Variants in NPAS3 observed in about 807,000 individuals in gnomAD.
NPAS3 encodes the protein neuronal PAS domain protein 3.
In NPAS3, 14 loss-of-function variants were observed where a neutral mutation model predicts 73.1. The observed-to-expected ratio is 0.19, with a 90% confidence interval of 0.13 to 0.30. NPAS3 has a LOEUF of 0.30. NPAS3 is among the 10% of genes least tolerant of loss of function. The probability of loss-of-function intolerance (pLI) is 1.00; values close to 1 mark genes in which losing one functional copy is unlikely to be tolerated. For synonymous variants in NPAS3, 620 were observed against 541.5 expected, an observed-to-expected ratio of 1.14 and a Z score of -2.01; for missense variants, 1,096 against 1,250.0, an observed-to-expected ratio of 0.88 and a Z score of 1.86.
At chr14:33,340,603 T>G (rs2044431427) in intron 3 of NPAS3, among the ~76,000 whole-genome samples, 1 of 152,242 alleles carries the variant, frequency 6.6e-6, no homozygotes, top group Non-Finnish European at 1.5e-5. Context: ...GGTTAAATGA[T>G]AAAACATGAA....
At chr14:33,316,232 G>T (rs182443066) in intron 3 of NPAS3, among the ~76,000 whole-genome samples, 2 of 152,066 alleles carry the variant, frequency 1.3e-5, no homozygotes, top group Admixed American at 1.3e-4. Flanking sequence ...TTCAAAGTTT[G>T]CATAACAGGT....
chr14:33,800,893 C>T lies in NPAS3; in HGVS notation c.2586C>T (p.Gly862=). 6.2e-7 allele frequency: 1 copy of T among 1,607,444 alleles called. No individual in the cohort carries two copies. The highest frequency in any genetic ancestry group is 8.5e-7 in the Non-Finnish European group (1 of 1,177,492). Reference sequence around the variant, plus strand: ...TGGACGTTAACAGCCCCGGCTTTGGCCTCGACCCCAAGACGCCCATGGAGA... The same window carrying T: ...TGGACGTTAACAGCCCCGGCTTTGGTCTCGACCCCAAGACGCCCATGGAGA... Residue 862 remains glycine (G), a synonymous_variant, in exon 12 of 12, where the codon GGC becomes GGT. Transcript: ENST00000356141. The surrounding 1 kb of genome is among the most constrained non-coding windows in gnomAD (Gnocchi z 6.5).
At chr14:32,976,958 T>A (rs2037703032) in intron 1 of NPAS3, among the ~76,000 whole-genome samples, 1 of 151,664 alleles carries the variant, frequency 6.6e-6, no homozygotes, top group Non-Finnish European at 1.5e-5. Flanking sequence ...TTCTAGAGAG[T>A]TTACTCATTC....
intron 5 of NPAS3, among the ~76,000 whole-genome samples, chr14:33,635,490 T>C (rs1010075084): frequency 6.6e-6 from 1 of 152,192 alleles, no homozygotes; most frequent in African/African-American, 2.4e-5. Flanking sequence ...GGTTTGTTTA[T>C]GGATTGAAAG....
chr14:33,235,851 A>C (rs1416141474), intron 3 of NPAS3, among the ~76,000 whole-genome samples: 1 of 111,630 alleles, frequency 9.0e-6, no homozygotes, highest in Admixed American at 1.4e-4. Flanking sequence ...TTGCTCTGTC[A>C]CATCATAGTT....
At chr14:33,154,911 A>C (rs1234351599) in intron 2 of NPAS3, among the ~76,000 whole-genome samples, 2 of 152,206 alleles carry the variant, frequency 1.3e-5, no homozygotes, top group Admixed American at 6.5e-5. Flanking sequence ...TTACTTTTCC[A>C]TGCAGTTGAT....
rs183155710 is a variant in NPAS3, at chr14:33,272,963, A to G, written c.385+57537A>G. On this transcript the variant is annotated intron_variant, in intron 3 of 11. Transcript: ENST00000356141. Reference sequence around the variant, plus strand: ...ATTCCTCCCCTTACTTTGGCCCAGCATTTCCAATTTACTTCCCACTTTCTC... The same window carrying G: ...ATTCCTCCCCTTACTTTGGCCCAGCGTTTCCAATTTACTTCCCACTTTCTC... 4.5e-4 allele frequency among the ~76,000 whole-genome samples: 69 copies of G among 152,300 alleles called. 1 individual carries two copies. The South Asian group carries it at 5.8e-3, about 13-fold the overall frequency.
intron 2 of NPAS3, among the ~76,000 whole-genome samples, chr14:33,074,097 A>G (rs1032899561): frequency 1.3e-5 from 2 of 152,168 alleles, no homozygotes; most frequent in Non-Finnish European, 2.9e-5. Context: ...TTCAATCAGG[A>G]AATACTTTTT....
chr14:33,511,018 GT>G (rs1393525176), intron 4 of NPAS3, among the ~76,000 whole-genome samples: 2 of 152,074 alleles, frequency 1.3e-5, no homozygotes, highest in Non-Finnish European at 2.9e-5. Flanking sequence ...TGCTTGTGTT[GT>G]TTTAAGCTGG....
At chr14:33,592,805 G>A (rs533580907) in intron 5 of NPAS3, among the ~76,000 whole-genome samples, 2 of 152,158 alleles carry the variant, frequency 1.3e-5, no homozygotes, top group South Asian at 2.1e-4. Flanking sequence ...CTAATTGGAC[G>A]AAACTGGCCA....
At chr14:33,398,382 A>G (rs1428336567) in intron 4 of NPAS3, among the ~76,000 whole-genome samples, 3 of 147,654 alleles carry the variant, frequency 2.0e-5, no homozygotes, top group East Asian at 2.0e-4. Context: ...TAATTATCCA[A>G]AATTGAACCT....
At chr14:33,618,312 A>G (rs1412591660) in intron 5 of NPAS3, among the ~76,000 whole-genome samples, 1 of 152,128 alleles carries the variant, frequency 6.6e-6, no homozygotes, top group Non-Finnish European at 1.5e-5. Flanking sequence ...ATAATTAAAT[A>G]ACTATACAAC....
At chr14:33,392,959 G>A (rs2047071261) in intron 4 of NPAS3, among the ~76,000 whole-genome samples, 2 of 152,088 alleles carry the variant, frequency 1.3e-5, no homozygotes, top group African/African-American at 2.4e-5. Flanking sequence ...AGGAAATAAT[G>A]TTTGCTGGGG....
intron 4 of NPAS3, among the ~76,000 whole-genome samples, chr14:33,437,571 G>A (rs1347399808): frequency 1.4e-5 from 2 of 146,012 alleles, no homozygotes; most frequent in Non-Finnish European, 3.0e-5. Context: ...ATAAAGAGAG[G>A]GAGAGTCCTT....
intron 3 of NPAS3, among the ~76,000 whole-genome samples, chr14:33,287,705 C>T (rs951435362): frequency 6.6e-6 from 1 of 152,140 alleles, no homozygotes; most frequent in Non-Finnish European, 1.5e-5. Flanking sequence ...GGTTTCCTGT[C>T]ACAGTTTGGA....
At chr14:33,167,952 A>G (rs1376392487) in intron 2 of NPAS3, among the ~76,000 whole-genome samples, 2 of 152,220 alleles carry the variant, frequency 1.3e-5, no homozygotes, top group African/African-American at 2.4e-5. Context: ...TCGCCTAAAT[A>G]AGTCTCACAC....
At chr14:33,279,215 C>T (rs2041476342) in intron 3 of NPAS3, among the ~76,000 whole-genome samples, 1 of 152,114 alleles carries the variant, frequency 6.6e-6, no homozygotes, top group Admixed American at 6.6e-5. Flanking sequence ...TTAGAAATCT[C>T]TGGATAAACT....
intron 5 of NPAS3, among the ~76,000 whole-genome samples, chr14:33,604,314 T>C (rs2057488601): frequency 6.7e-6 from 1 of 149,718 alleles, no homozygotes. Flanking sequence ...TTAAAGTAAA[T>C]ATATGAAAAA....
intron 4 of NPAS3, among the ~76,000 whole-genome samples, chr14:33,498,096 C>T (rs894853004): frequency 7.2e-5 from 11 of 152,134 alleles, no homozygotes; most frequent in Non-Finnish European, 4.4e-5. Flanking sequence ...AAAAAAAGCT[C>T]ATCATCACTG....
Sources: gnomAD v4.1 joint callset for allele counts (sites outside exome capture counted in the v4.1 genomes callset) on GRCh38, gnomAD v4.1.1 for gene constraint, Gnocchi (gnomAD v3.1) non-coding constraint, MANE v1.5 for transcripts, NCBI Gene and HGNC (gene_info 2026-07-23, HGNC 2026-07-21) for gene names.